Variants in ZFAND3 observed in about 807,000 individuals in gnomAD.
ZFAND3 encodes AN1-type zinc finger protein 3.
In ZFAND3, 10 loss-of-function variants were observed where a neutral mutation model predicts 29.6. The ratio of observed to expected loss-of-function variants is 0.34; its 90% confidence interval spans 0.21 to 0.57. The LOEUF is 0.57. ZFAND3 is among the 20% of genes least tolerant of loss of function. ZFAND3 has a pLI of 0.86. For missense variants in ZFAND3, 230 were observed against 304.5 expected, an observed-to-expected ratio of 0.76 and a Z score of 1.82; for synonymous variants, 128 against 112.6, an observed-to-expected ratio of 1.14 and a Z score of -0.87.
intron 1 of ZFAND3, among the ~76,000 whole-genome samples, chr6:37,837,740 A>C (rs922424469): frequency 6.6e-6 from 1 of 152,150 alleles, no homozygotes; most frequent in Non-Finnish European, 1.5e-5. Context: ...TCCCGACCTC[A>C]GTTGATCCGC....
chr6:38,086,340 G>A (rs898047627), intron 4 of ZFAND3, among the ~76,000 whole-genome samples: 8 of 152,098 alleles, frequency 5.3e-5, no homozygotes, highest in African/African-American at 7.2e-5. Context: ...GTGTGTGGTC[G>A]TTCCCACTCC....
intron 2 of ZFAND3, among the ~76,000 whole-genome samples, chr6:38,057,978 A>C (rs146382554): frequency 6.6e-6 from 1 of 152,306 alleles, no homozygotes; most frequent in East Asian, 1.9e-4. Flanking sequence ...GCATAGAAGG[A>C]GTATGGGTTA....
Position 38,141,729 on chromosome 6 carries a change from A to G in ZFAND3, c.530-10506A>G, listed in dbSNP as rs1765960566. 2.0e-5 allele frequency among the ~76,000 whole-genome samples: 3 copies of G among 152,224 alleles called. No homozygotes were observed. The South Asian group carries it at 6.2e-4, about 32-fold the overall frequency. On this transcript the variant is annotated intron_variant, in intron 5 of 5. Transcript: ENST00000287218. ...ACCAGAATCTAGATGGGGAGGTAAA[A>G]GCAAGTGGGGCAGAAAAAATGTTGT...
chr6:38,004,179 G>A (rs1763002731), intron 2 of ZFAND3, among the ~76,000 whole-genome samples: 1 of 152,104 alleles, frequency 6.6e-6, no homozygotes, highest in South Asian at 2.1e-4. Flanking sequence ...CATGGGAAGG[G>A]ATTCCAGTTT....
chr6:38,122,790 A>T (rs867904121), intron 5 of ZFAND3, among the ~76,000 whole-genome samples: 1 of 152,246 alleles, frequency 6.6e-6, no homozygotes, highest in Non-Finnish European at 1.5e-5. Context: ...GTATAAGCCT[A>T]TGTTATAGTG....
chr6:38,000,902 A>G (rs1383326588), intron 2 of ZFAND3, among the ~76,000 whole-genome samples: 1 of 152,200 alleles, frequency 6.6e-6, no homozygotes, highest in East Asian at 1.9e-4. Context: ...ACCAAACCAT[A>G]TCACTGACTG....
At chr6:38,020,404 C>CA (rs1385699552) in intron 2 of ZFAND3, among the ~76,000 whole-genome samples, 1 of 151,864 alleles carries the variant, frequency 6.6e-6, no homozygotes, top group Non-Finnish European at 1.5e-5. Flanking sequence ...AAACATGTTT[C>CA]AAATTATCTC....
chr6:38,081,706 A>G (rs1489303573), intron 3 of ZFAND3, among the ~76,000 whole-genome samples: 1 of 151,998 alleles, frequency 6.6e-6, no homozygotes, highest in Non-Finnish European at 1.5e-5. Context: ...TTGCAGAATG[A>G]AATTATTGAT....
intron 2 of ZFAND3, among the ~76,000 whole-genome samples, chr6:38,059,213 G>C (rs1466462867): frequency 6.6e-6 from 1 of 152,156 alleles, no homozygotes; most frequent in African/African-American, 2.4e-5. Context: ...GCCTCAAAGA[G>C]ATAATCACTG....
At chr6:38,014,664 G>C (rs1386947666) in intron 2 of ZFAND3, among the ~76,000 whole-genome samples, 1 of 152,156 alleles carries the variant, frequency 6.6e-6, no homozygotes, top group Admixed American at 6.5e-5. Context: ...ATATTGGAGT[G>C]CACAGAGTAT....
At chr6:38,060,553 C>G (rs1443672811) in intron 2 of ZFAND3, among the ~76,000 whole-genome samples, 1 of 149,812 alleles carries the variant, frequency 6.7e-6, no homozygotes, top group African/African-American at 2.5e-5. Flanking sequence ...TTCTTTCTTA[C>G]TCCTGGACTC....
chr6:37,857,461 G>GA (rs201590748), intron 1 of ZFAND3, among the ~76,000 whole-genome samples: 2,672 of 148,854 alleles, frequency 0.018, 33 homozygotes, highest in Non-Finnish European at 0.027. Flanking sequence ...TATTTTTAAA[G>GA]AAAAAAAAAA....
At chr6:37,869,092 A>G (rs1448052210) in intron 1 of ZFAND3, among the ~76,000 whole-genome samples, 1 of 152,174 alleles carries the variant, frequency 6.6e-6, no homozygotes, top group African/African-American at 2.4e-5. Flanking sequence ...AAGTTGTCAG[A>G]TTTTTTTGGC....
intron 4 of ZFAND3, among the ~76,000 whole-genome samples, chr6:38,089,885 G>A (rs1459435425): frequency 6.6e-6 from 1 of 152,038 alleles, no homozygotes; most frequent in Non-Finnish European, 1.5e-5. Flanking sequence ...AGGGAGTCTC[G>A]GTCTGTCACC....
At chr6:38,129,293 C>T (rs1462661552) in intron 5 of ZFAND3, among the ~76,000 whole-genome samples, 2 of 152,140 alleles carry the variant, frequency 1.3e-5, no homozygotes, top group Admixed American at 1.3e-4. Context: ...ACTATGGTGA[C>T]TGTTCCTTTT....
intron 1 of ZFAND3, among the ~76,000 whole-genome samples, chr6:37,865,016 C>G (rs1764563562): frequency 6.6e-6 from 1 of 152,024 alleles, no homozygotes; most frequent in African/African-American, 2.4e-5. Context: ...CATGTCTTTA[C>G]TAAAACTACA....
intron 1 of ZFAND3, among the ~76,000 whole-genome samples, chr6:37,849,773 A>G (rs548261751): frequency 9.2e-5 from 14 of 152,284 alleles, no homozygotes; most frequent in African/African-American, 3.4e-4. Flanking sequence ...TAGATGGAAA[A>G]TGTCCTAAAG....
chr6:37,946,562 A>AT (rs926824218), intron 2 of ZFAND3, among the ~76,000 whole-genome samples: 1 of 151,894 alleles, frequency 6.6e-6, no homozygotes, highest in African/African-American at 2.4e-5. Context: ...ATTGTGACCT[A>AT]TTTTTTTCCC....
intron 2 of ZFAND3, among the ~76,000 whole-genome samples, chr6:38,004,206 A>G (rs1233437488): frequency 3.3e-5 from 5 of 152,214 alleles, no homozygotes; most frequent in Middle Eastern, 6.8e-3. Flanking sequence ...CAGAACATGG[A>G]TATATTCAGG....
Sources: allele counts gnomAD v4.1 joint callset (sites outside exome capture counted in the v4.1 genomes callset), GRCh38; gene constraint gnomAD v4.1.1; transcripts MANE v1.5; gene names NCBI Gene and HGNC (gene_info 2026-07-23, HGNC 2026-07-21).